GPC6: variants seen among roughly 807,000 people sequenced by gnomAD.
The protein encoded by GPC6 is glypican 6.
In GPC6, 14 loss-of-function variants were observed where a neutral mutation model predicts 55.2. The ratio of observed to expected loss-of-function variants is 0.25; its 90% CI spans 0.17 to 0.40. GPC6 has a LOEUF of 0.40. Ranked by LOEUF, GPC6 falls within the 10% of genes least tolerant of loss-of-function variation. The pLI, the probability that GPC6 is intolerant of heterozygous loss-of-function variation, is 1.00. For missense variants in GPC6, 641 were observed against 708.5 expected (o/e 0.90, Z 1.08); for synonymous variants, 278 against 259.6 (o/e 1.07, Z -0.68).
chr13:93,323,635 G>A (rs1223574949), intron 1 of GPC6, among the ~76,000 whole-genome samples: 2 of 152,114 alleles, frequency 1.3e-5, no homozygotes, highest in African/African-American at 4.8e-5. Flanking sequence ...TTATATAATT[G>A]TTAATTCAGT....
intron 1 of GPC6, among the ~76,000 whole-genome samples, chr13:93,356,183 C>T (rs771804189): frequency 5.3e-5 from 8 of 152,102 alleles, no homozygotes; most frequent in Non-Finnish European, 8.8e-5. Context: ...AGATAATAAA[C>T]GGAGCTGGAT....
intron 1 of GPC6, among the ~76,000 whole-genome samples, chr13:93,261,925 TACACACACAC>T (rs34841808): frequency 0.027 from 3,905 of 144,548 alleles, 67 homozygotes; most frequent in Non-Finnish European, 0.037. Context: ...TCTCTCCCTC[TACACACACAC>T]ACACACACAC....
At chr13:93,435,999 A>T (rs1012783923) in intron 1 of GPC6, among the ~76,000 whole-genome samples, 1 of 152,166 alleles carries the variant, frequency 6.6e-6, no homozygotes, top group East Asian at 1.9e-4. Context: ...CGCTGATCAT[A>T]GTCCTGGAAG....
At chr13:94,173,220 G>C (rs1037681879) in intron 4 of GPC6, among the ~76,000 whole-genome samples, 1 of 152,130 alleles carries the variant, frequency 6.6e-6, no homozygotes, top group Non-Finnish European at 1.5e-5. Context: ...CTGGGGACTT[G>C]AAACTACACT....
chr13:93,598,262 T>G (rs1471434605), intron 2 of GPC6, among the ~76,000 whole-genome samples: 1 of 152,232 alleles, frequency 6.6e-6, no homozygotes, highest in Non-Finnish European at 1.5e-5. Flanking sequence ...ATGGTGATGT[T>G]AACACATCGA....
At position 94,275,513 on chromosome 13, in the gene GPC6, A is replaced by ACCC. The variant is rs562114246; in HGVS notation, c.878-10835_878-10834insCCC. Among the ~76,000 whole-genome samples the ACCC allele has an allele frequency of 1.3e-3, 202 of 152,282 alleles. 3 individuals are homozygous for ACCC. The South Asian group carries it at 0.04, about 30-fold the overall frequency. On this transcript the variant is annotated intron_variant, in intron 4 of 8. Coordinates refer to ENST00000377047, the MANE Select transcript of GPC6 (RefSeq NM_005708.5). ...GTAATAGATTAGGTCATGGAGGTGA[A>ACCC]CTTAGAAAGGAGAAGACCTGTGTTA...
chr13:93,639,483 T>A (rs749561576), intron 2 of GPC6, among the ~76,000 whole-genome samples: 1 of 152,122 alleles, frequency 6.6e-6, no homozygotes, highest in Non-Finnish European at 1.5e-5. Flanking sequence ...CCGTGTTATC[T>A]GATTTGTATT....
At chr13:94,123,929 C>T (rs1349433171) in intron 4 of GPC6, among the ~76,000 whole-genome samples, 1 of 151,910 alleles carries the variant, frequency 6.6e-6, no homozygotes, top group Admixed American at 6.6e-5. Context: ...TAGATAGAAG[C>T]CTTTCTGGGA....
At chr13:93,444,204 T>C (rs1413486976) in intron 1 of GPC6, among the ~76,000 whole-genome samples, 6 of 151,040 alleles carry the variant, frequency 4.0e-5, no homozygotes, top group Admixed American at 2.0e-4. Flanking sequence ...TCTTTTTTTT[T>C]TTTTTTTTTT....
chr13:93,915,296 C>T (rs1877228068), intron 3 of GPC6, among the ~76,000 whole-genome samples: 1 of 152,184 alleles, frequency 6.6e-6, no homozygotes, highest in Non-Finnish European at 1.5e-5. Context: ...TTATGAAACT[C>T]ACCCAGAGCA....
At chr13:94,110,883 C>T (rs1420676078) in intron 4 of GPC6, among the ~76,000 whole-genome samples, 2 of 151,932 alleles carry the variant, frequency 1.3e-5, no homozygotes, top group Non-Finnish European at 2.9e-5. Context: ...TTATTTTTAC[C>T]ATGGAATTAC....
chr13:93,292,575 T>G (rs979115366), intron 1 of GPC6, among the ~76,000 whole-genome samples: 4 of 152,184 alleles, frequency 2.6e-5, no homozygotes, highest in Non-Finnish European at 5.9e-5. Flanking sequence ...TATATGTATG[T>G]CAAGCAGAAT....
At chr13:94,018,910 G>A (rs1470855171) in intron 3 of GPC6, among the ~76,000 whole-genome samples, 1 of 152,124 alleles carries the variant, frequency 6.6e-6, no homozygotes, top group Non-Finnish European at 1.5e-5. Context: ...GATGATCCGA[G>A]GTGGAACAGT....
chr13:93,558,238 G>A (rs1029863650), intron 2 of GPC6, among the ~76,000 whole-genome samples: 7 of 152,130 alleles, frequency 4.6e-5, no homozygotes, highest in Admixed American at 1.3e-4. Flanking sequence ...CAAAGAGTGC[G>A]CTTGTAATAT....
intron 3 of GPC6, among the ~76,000 whole-genome samples, chr13:93,888,262 G>A (rs550567040): frequency 1.3e-5 from 2 of 152,048 alleles, no homozygotes; most frequent in Admixed American, 6.6e-5. Context: ...TCCAATTAGC[G>A]CAAATTTATG....
intron 7 of GPC6, among the ~76,000 whole-genome samples, chr13:94,391,817 C>T (rs1375873021): frequency 6.6e-6 from 1 of 152,144 alleles, no homozygotes; most frequent in African/African-American, 2.4e-5. Context: ...ACCCCCAGGC[C>T]CTGCTGACCA....
intron 3 of GPC6, among the ~76,000 whole-genome samples, chr13:93,907,909 A>G (rs1294536823): frequency 6.6e-6 from 1 of 152,170 alleles, no homozygotes; most frequent in Non-Finnish European, 1.5e-5. Flanking sequence ...TGCAAAGGCA[A>G]GCACCTGAGT....
At chr13:93,955,876 G>T (rs539743651) in intron 3 of GPC6, among the ~76,000 whole-genome samples, 1 of 152,158 alleles carries the variant, frequency 6.6e-6, no homozygotes, top group Non-Finnish European at 1.5e-5. Flanking sequence ...TCCTGACAGA[G>T]AAGTTAGCAC....
intron 1 of GPC6, among the ~76,000 whole-genome samples, chr13:93,486,922 C>T (rs946238643): frequency 5.4e-5 from 8 of 146,876 alleles, no homozygotes; most frequent in Admixed American, 2.1e-4. Flanking sequence ...TCCAGCCTGG[C>T]GACAGAGCGA....
Sources: gnomAD v4.1 joint callset for allele counts (sites outside exome capture counted in the v4.1 genomes callset) on GRCh38, gnomAD v4.1.1 for gene constraint, MANE v1.5 for transcripts, NCBI Gene and HGNC (gene_info 2026-07-23, HGNC 2026-07-21) for gene names.